Variants in ITGA2 observed in about 807,000 individuals in gnomAD.
ITGA2 encodes integrin alpha-2.
ITGA2 carries 101 observed loss-of-function variants against 146.3 expected under a neutral mutation model. The observed-to-expected ratio is 0.69, with a 90% CI of 0.59 to 0.81. The LOEUF is 0.81. ITGA2 is among the 40% of genes least tolerant of loss of function. The pLI is 0.00. For synonymous variants in ITGA2, 477 were observed against 487.1 expected (o/e 0.98, Z 0.27); for missense variants, 1,281 against 1,402.7 (o/e 0.91, Z 1.39).
chr5:53,042,092 T>C lies in ITGA2; in HGVS notation c.186-20T>C. 5 of 1,425,798 alleles carry C rather than the reference T, an allele frequency of 3.5e-6. No homozygotes were observed. The South Asian group carries it at 4.6e-5, about 13-fold the overall frequency. 88.3% of individuals were successfully genotyped at this position (1,425,798 alleles called of 1,614,324 possible). Reference sequence around the variant, plus strand: ...ACTATACTTAACACTTTGTGTCTAATAAAAAAAATGTGTTTCTAGGTTACT... The same window carrying C: ...ACTATACTTAACACTTTGTGTCTAACAAAAAAAATGTGTTTCTAGGTTACT... On this transcript the variant is annotated intron_variant, in intron 2 of 29. Transcript: ENST00000296585.
At chr5:53,013,808 A>T (rs141776255) in intron 1 of ITGA2, among the ~76,000 whole-genome samples, 215 of 152,168 alleles carry the variant, frequency 1.4e-3, no homozygotes, top group African/African-American at 5.0e-3. Flanking sequence ...GTCTCTGTAG[A>T]GATCTTTCAC....
At chr5:53,059,850 A>T (rs888424150) in intron 10 of ITGA2, 24 bp from the exon 11 acceptor site, 2 of 1,609,360 alleles carry the variant, frequency 1.2e-6, no homozygotes, top group East Asian at 2.2e-5. Context: ...TGTTTCAATG[A>T]TCTTCATTTT....
At chr5:53,050,700 AT>A (rs1744315209) in intron 6 of ITGA2, among the ~76,000 whole-genome samples, 1 of 152,230 alleles carries the variant, frequency 6.6e-6, no homozygotes, top group Admixed American at 6.5e-5. Flanking sequence ...AAACAAGGAC[AT>A]TAACAGAAGG....
chr5:53,059,272 C>T (rs112748692), intron 10 of ITGA2, among the ~76,000 whole-genome samples: 145 of 151,958 alleles, frequency 9.5e-4, no homozygotes, highest in African/African-American at 3.1e-3. Context: ...TTGAATGTCA[C>T]AGCTAAAGTT....
intron 1 of ITGA2, among the ~76,000 whole-genome samples, chr5:53,025,967 AAAAAT>A (rs3212419): frequency 1.6e-3 from 250 of 152,342 alleles, no homozygotes; most frequent in African/African-American, 5.4e-3. Context: ...AATTTTCAAA[AAAAAT>A]AAAATAAAAT....
At position 53,081,647 on chromosome 5, in the gene ITGA2, C is replaced by A; in HGVS notation, c.3095C>A (p.Ser1032Tyr). ...DINPLKIGQT[S>Y]SSVSFKSENF... ...AATCCACTGAAAATAGGACAAACAT[C>A]TTCTTCTGTATCTTTCAAAAGTGAA... is the stretch of plus-strand genomic sequence containing the variant. The change falls in exon 26 of 30, where the codon TCT (serine) becomes TAT (tyrosine). Residue 1032 changes from serine (S) to tyrosine (Y), a missense_variant. This residue lies in a region of ITGA2 where 475 missense variants were observed against 530.5 expected (regional missense o/e 0.90). Transcript: ENST00000296585. 6.2e-7 allele frequency: 1 copy of A among 1,612,804 alleles called. No homozygotes were observed. The highest frequency in any genetic ancestry group is 8.5e-7 in the Non-Finnish European group (1 of 1,179,216).
At chr5:53,049,390 G>A (rs2075615) in intron 6 of ITGA2, among the ~76,000 whole-genome samples, 55,504 of 151,950 alleles carry the variant, frequency 0.37, 10,283 homozygotes, top group Admixed American at 0.43. Context: ...AATTCAATAT[G>A]TATTTTTATG....
At chr5:53,015,505 G>C (rs545920409) in intron 1 of ITGA2, among the ~76,000 whole-genome samples, 3 of 152,058 alleles carry the variant, frequency 2.0e-5, no homozygotes, top group South Asian at 2.1e-4. Context: ...ATTGTTTTAT[G>C]GCTGATTGTG....
chr5:52,998,071 T>C (rs1301218148), intron 1 of ITGA2, among the ~76,000 whole-genome samples: 2 of 152,222 alleles, frequency 1.3e-5, no homozygotes, highest in Non-Finnish European at 2.9e-5. Flanking sequence ...TATTACACAG[T>C]ATTTAATTTT....
At chr5:53,043,897 C>G (rs951396641) in intron 3 of ITGA2, among the ~76,000 whole-genome samples, 2 of 151,796 alleles carry the variant, frequency 1.3e-5, no homozygotes, top group African/African-American at 4.8e-5. Flanking sequence ...CTGAGATTAC[C>G]CTGGAAGTCT....
intron 11 of ITGA2, 135 bp downstream of exon 11, chr5:53,060,147 G>A (rs1378435133): frequency 2.1e-6 from 2 of 933,450 alleles, no homozygotes; most frequent in Non-Finnish European, 3.4e-6. Flanking sequence ...ACATACATAT[G>A]TTGTCTCTTT....
rs1421937 is a variant in ITGA2, at chr5:53,045,234, A to G, written c.387+142A>G. The G allele has an allele frequency of 0.29, 202,242 of 702,644 alleles. 29,756 individuals are homozygous for G. Among genetic ancestry groups the G allele is most frequent in the Admixed American group, 0.35 (15,816 of 45,720 alleles). The allele number at this position is 702,644 out of a possible 1,614,324, so 43.5% of individuals were successfully genotyped here. A position where few individuals can be genotyped will look rare whatever the true frequency, so the allele number is the denominator to read the frequency against. On this transcript the variant is annotated intron_variant, in intron 4 of 29. Transcript: ENST00000296585. ...ATTATGCTATTTATTTGGCTATCCA[A>G]TGTTGAATATTCAAAATAATGTTGA... is the stretch of plus-strand genomic sequence containing the variant.
chr5:53,025,812 T>C (rs1273552176), intron 1 of ITGA2, among the ~76,000 whole-genome samples: 6 of 152,192 alleles, frequency 3.9e-5, no homozygotes, highest in Admixed American at 1.3e-4. Flanking sequence ...ATGAGGCATA[T>C]TCCCATCTCC....
chr5:53,034,642 T>C (rs1743398299), intron 2 of ITGA2, among the ~76,000 whole-genome samples: 1 of 152,154 alleles, frequency 6.6e-6, no homozygotes, highest in African/African-American at 2.4e-5. Context: ...AATTTTAAGC[T>C]TTCCTCTGTG....
At chr5:53,083,773 C>A (rs1746032383) in intron 27 of ITGA2, among the ~76,000 whole-genome samples, 1 of 152,164 alleles carries the variant, frequency 6.6e-6, no homozygotes, top group African/African-American at 2.4e-5. Context: ...CTTTGTCCCC[C>A]TCTAGGGGTT....
At chr5:52,995,118 C>T (rs1398690999) in intron 1 of ITGA2, among the ~76,000 whole-genome samples, 2 of 152,128 alleles carry the variant, frequency 1.3e-5, no homozygotes, top group Non-Finnish European at 2.9e-5. Context: ...AACAGAAGGT[C>T]CTTATGCCCA....
chr5:53,080,411 C>A, intron 24 of ITGA2, 100 bp from the exon 25 acceptor site: 1 of 874,498 alleles, frequency 1.1e-6, no homozygotes, highest in Non-Finnish European at 1.9e-6. Context: ...CTCAGTCTTA[C>A]CACCTCGTAG....
In ITGA2 at chr5:53,065,996, G is replaced by A; in HGVS notation, c.1943+19G>A. On this transcript the variant is annotated intron_variant, in intron 15 of 29. Transcript: ENST00000296585. Reference sequence around the variant, plus strand: ...AACTCTGGTGAGTCAGGAAGAGCCAGACACAAACTAACTAAAAATTACCTG... The same window carrying A: ...AACTCTGGTGAGTCAGGAAGAGCCAAACACAAACTAACTAAAAATTACCTG... 1 of 1,611,090 alleles carries A rather than the reference G, an allele frequency of 6.2e-7. No homozygotes were observed. Among genetic ancestry groups the A allele is most frequent in the Non-Finnish European group, 8.5e-7 (1 of 1,177,928 alleles).
At chr5:53,015,247 T>C (rs1275968500) in intron 1 of ITGA2, among the ~76,000 whole-genome samples, 1 of 152,178 alleles carries the variant, frequency 6.6e-6, no homozygotes, top group East Asian at 1.9e-4. Context: ...CTATCAACTT[T>C]CCTCTTAACA....
Sources: allele counts gnomAD v4.1 joint callset (sites outside exome capture counted in the v4.1 genomes callset), GRCh38; gene constraint gnomAD v4.1.1; regional missense constraint gnomAD v4.1.1; transcripts MANE v1.5; gene names NCBI Gene and HGNC (gene_info 2026-07-23, HGNC 2026-07-21).